PCDH9: variants seen among roughly 807,000 people sequenced by gnomAD.
PCDH9 encodes protocadherin 9, also known as protocadherin-9.
PCDH9 carries 24 observed loss-of-function variants against 70.6 expected under a neutral mutation model. The ratio of observed to expected loss-of-function variants is 0.34; its 90% CI spans 0.25 to 0.48. The LOEUF (loss-of-function observed/expected upper bound fraction) is 0.48, where lower values mean the gene tolerates loss of function less well. Ranked by LOEUF, PCDH9 falls within the 20% of genes least tolerant of loss-of-function variation. The pLI, the probability that PCDH9 is intolerant of heterozygous loss-of-function variation, is 0.99. For synonymous variants in PCDH9, 562 were observed against 558.5 expected, an observed-to-expected ratio of 1.01 and a Z score of -0.09; for missense variants, 1,281 against 1,503.6, an observed-to-expected ratio of 0.85 and a Z score of 2.45.
intron 4 of PCDH9, among the ~76,000 whole-genome samples, chr13:66,581,458 G>A (rs1469364970): frequency 6.6e-6 from 1 of 152,118 alleles, no homozygotes; most frequent in East Asian, 1.9e-4. Context: ...AAGATGCACA[G>A]CAAAAGTGAA....
chr13:66,764,901 G>A (rs568602469), intron 3 of PCDH9, among the ~76,000 whole-genome samples: 1 of 151,954 alleles, frequency 6.6e-6, no homozygotes, highest in East Asian at 1.9e-4. Context: ...TCGATTTTTT[G>A]AGAAATTCAT....
At chr13:66,708,746 G>A (rs2078751676) in intron 3 of PCDH9, among the ~76,000 whole-genome samples, 1 of 152,160 alleles carries the variant, frequency 6.6e-6, no homozygotes, top group African/African-American at 2.4e-5. Context: ...AATCAAATTT[G>A]CAATTAAATC....
At chr13:66,988,637 A>G (rs577698623) in intron 2 of PCDH9, among the ~76,000 whole-genome samples, 6 of 152,066 alleles carry the variant, frequency 3.9e-5, no homozygotes, top group Non-Finnish European at 7.4e-5. Context: ...ATGTAAATAA[A>G]GGAATCTGGA....
chr13:66,485,229 A>G (rs1181704840), intron 4 of PCDH9, among the ~76,000 whole-genome samples: 1 of 152,208 alleles, frequency 6.6e-6, no homozygotes, highest in Admixed American at 6.5e-5. Flanking sequence ...TGCAATGGAA[A>G]CATGTCTAAG....
chr13:66,965,229 C>A (rs1340695134), intron 2 of PCDH9, among the ~76,000 whole-genome samples: 2 of 152,082 alleles, frequency 1.3e-5, no homozygotes, highest in Non-Finnish European at 2.9e-5. Flanking sequence ...CATCATGTAA[C>A]CTTCCTTAAC....
intron 2 of PCDH9, among the ~76,000 whole-genome samples, chr13:66,954,059 G>A (rs2083228213): frequency 6.6e-6 from 1 of 152,164 alleles, no homozygotes; most frequent in African/African-American, 2.4e-5. Context: ...AGAAGCCTCT[G>A]ATTAGGCAGG....
intron 4 of PCDH9, among the ~76,000 whole-genome samples, chr13:66,322,171 C>T (rs1207544162): frequency 6.6e-6 from 1 of 151,756 alleles, no homozygotes; most frequent in Non-Finnish European, 1.5e-5. Context: ...TTAAAAATTT[C>T]TTTCTATGAG....
At chr13:67,129,244 A>G (rs78891541) in intron 2 of PCDH9, among the ~76,000 whole-genome samples, 16,169 of 152,232 alleles carry the variant, frequency 0.11, 1,176 homozygotes, top group Middle Eastern at 0.18. Context: ...GAAAAACAAA[A>G]CAAAACAAAA....
chr13:66,684,895 C>T (rs2078378288), intron 3 of PCDH9, among the ~76,000 whole-genome samples: 1 of 151,938 alleles, frequency 6.6e-6, no homozygotes, highest in Non-Finnish European at 1.5e-5. Flanking sequence ...TTTGGAAGTT[C>T]CTAGAGACTT....
chr13:66,426,240 A>G (rs986148228), intron 4 of PCDH9, among the ~76,000 whole-genome samples: 1 of 151,570 alleles, frequency 6.6e-6, no homozygotes, highest in African/African-American at 2.4e-5. Context: ...AGAACCCTAT[A>G]ACAAGCAGAG....
chr13:66,554,182 G>A (rs879676179), intron 4 of PCDH9, among the ~76,000 whole-genome samples: 2 of 151,998 alleles, frequency 1.3e-5, no homozygotes, highest in Admixed American at 6.6e-5. Context: ...CTAATCAATA[G>A]TAATTATTTT....
intron 4 of PCDH9, among the ~76,000 whole-genome samples, chr13:66,329,465 T>A (rs2138112346): frequency 6.6e-6 from 1 of 152,340 alleles, no homozygotes; most frequent in South Asian, 2.1e-4. Context: ...TTCCTCCTCA[T>A]TTCCCAGCCC....
chr13:66,440,102 T>A (rs183899042), intron 4 of PCDH9, among the ~76,000 whole-genome samples: 1 of 152,308 alleles, frequency 6.6e-6, no homozygotes, highest in African/African-American at 2.4e-5. Context: ...ATGAGTGGTT[T>A]TTTATAGTAA....
intron 2 of PCDH9, among the ~76,000 whole-genome samples, chr13:66,992,215 G>C (rs78958839): frequency 6.6e-6 from 1 of 152,224 alleles, no homozygotes; most frequent in East Asian, 1.9e-4. Flanking sequence ...CAAATGTTTC[G>C]ATCATCTCTA....
rs145120375 is a variant in PCDH9, at chr13:67,084,719, C to T, written c.3036+140686G>A. On this transcript the variant is annotated intron_variant, in intron 2 of 4. Coordinates refer to ENST00000377865, the MANE Select transcript of PCDH9 (RefSeq NM_203487.3). ...AGCATGGTGGCTCACGCCTGTAATCCTAGCACTTTGGTGGCTGAGGGGGGG... is the reference window on the plus strand; with the variant it reads ...AGCATGGTGGCTCACGCCTGTAATCTTAGCACTTTGGTGGCTGAGGGGGGG... 7.0e-3 allele frequency among the ~76,000 whole-genome samples: 1,065 copies of T among 151,814 alleles called. 3 individuals carry two copies. Among genetic ancestry groups the T allele is most frequent in the Middle Eastern group, 0.02 (6 of 294 alleles).
chr13:66,355,312 G>C (rs1956363433), intron 4 of PCDH9, among the ~76,000 whole-genome samples: 1 of 151,870 alleles, frequency 6.6e-6, no homozygotes, highest in South Asian at 2.1e-4. Flanking sequence ...GCGCATACTG[G>C]GTGCAACAGA....
intron 4 of PCDH9, among the ~76,000 whole-genome samples, chr13:66,396,477 G>A (rs921246051): frequency 2.0e-5 from 3 of 152,206 alleles, no homozygotes; most frequent in Non-Finnish European, 2.9e-5. Context: ...AATGTCATTC[G>A]AACACTAATT....
At chr13:66,443,293 T>C (rs1345125515) in intron 4 of PCDH9, among the ~76,000 whole-genome samples, 1 of 152,220 alleles carries the variant, frequency 6.6e-6, no homozygotes, top group Non-Finnish European at 1.5e-5. Context: ...TGATGGGATT[T>C]ATATATGTGC....
At chr13:67,022,439 A>C (rs983849781) in intron 2 of PCDH9, among the ~76,000 whole-genome samples, 1 of 152,096 alleles carries the variant, frequency 6.6e-6, no homozygotes, top group South Asian at 2.1e-4. Context: ...GTCTTTAATT[A>C]GAGACTTGAA....
Sources: gnomAD v4.1 joint callset for allele counts (sites outside exome capture counted in the v4.1 genomes callset) on GRCh38, gnomAD v4.1.1 for gene constraint, MANE v1.5 for transcripts, NCBI Gene and HGNC (gene_info 2026-07-23, HGNC 2026-07-21) for gene names.